Variants in FAR2 observed in about 807,000 individuals in gnomAD.
FAR2 encodes epididymis secretory protein Li 81.
FAR2 carries 19 observed loss-of-function variants against 56.0 expected under a neutral mutation model. The ratio of observed to expected loss-of-function variants is 0.34; its 90% CI spans 0.24 to 0.50. The LOEUF is 0.50. Among genes scored for constraint, FAR2 ranks in the 20% least tolerant of loss-of-function variants. The probability of loss-of-function intolerance (pLI) is 0.98; values close to 1 mark genes in which losing one functional copy is unlikely to be tolerated. For synonymous variants in FAR2, 219 were observed against 218.8 expected (o/e 1.00, Z -0.01); for missense variants, 508 against 642.2 (o/e 0.79, Z 2.26).
At chr12:29,274,925 T>G (rs1948683658) in intron 2 of FAR2, among the ~76,000 whole-genome samples, 1 of 150,338 alleles carries the variant, frequency 6.7e-6, no homozygotes, top group Non-Finnish European at 1.5e-5. Flanking sequence ...ACAAAGCCTG[T>G]TTGGTGGTCT....
At chr12:29,157,106 T>TA (rs1555176819) in intron 1 of FAR2, 11 of 73,456 alleles carry the variant, frequency 1.5e-4, no homozygotes, top group East Asian at 5.4e-4. Flanking sequence ...AAAGAACATT[T>TA]TATATATATA....
rs77007803 is a variant in FAR2 at position 29,282,964 on chromosome 12, G to A, written c.190-10336G>A. Among the ~76,000 whole-genome samples, 715 of 151,952 alleles carry A rather than the reference G, an allele frequency of 4.7e-3. 27 individuals carry two copies. In the East Asian group the frequency reaches 0.072, roughly 15 times the overall value. Reference sequence around the variant, plus strand: ...ACATACCAGTGGGGGGAAAGTATATGAATTAATGGCAGGATTCTTGAGGAC... The same window carrying A: ...ACATACCAGTGGGGGGAAAGTATATAAATTAATGGCAGGATTCTTGAGGAC... On this transcript the variant is annotated intron_variant, in intron 2 of 11. Coordinates refer to ENST00000536681, the MANE Select transcript of FAR2 (RefSeq NM_001271783.2).
At chr12:29,281,743 A>G (rs1238638223) in intron 2 of FAR2, among the ~76,000 whole-genome samples, 1 of 26,418 alleles carries the variant, frequency 3.8e-5, no homozygotes, top group Non-Finnish European at 6.8e-5. Context: ...AACATCACCT[A>G]AAAAAAAAAA....
At chr12:29,303,699 C>G (rs1949212672) in intron 4 of FAR2, among the ~76,000 whole-genome samples, 2 of 152,122 alleles carry the variant, frequency 1.3e-5, no homozygotes, top group African/African-American at 4.8e-5. Flanking sequence ...ATTGTTAACA[C>G]TAAAAAAGCT....
chr12:29,293,468 A>C lies in FAR2; in HGVS notation c.358A>C (p.Thr120Pro). Residue 120 changes from threonine to proline, a missense_variant, in exon 3 of 12, where the codon ACT (threonine) becomes CCT (proline). Coordinates refer to ENST00000536681, the MANE Select transcript of FAR2 (RefSeq NM_001271783.2). ...TGCAGCCACTGTACGCTTTGACGAC[A>C]CTCTCAGGTACATTCCCATTTCCCT... ...HCAATVRFDD[T>P]LRHAVQLNVT... 1 of 1,550,064 alleles carries C rather than the reference A, an allele frequency of 6.5e-7. No homozygotes were observed. Among genetic ancestry groups the C allele is most frequent in the South Asian group, 1.2e-5 (1 of 81,504 alleles).
intron 1 of FAR2, among the ~76,000 whole-genome samples, chr12:29,188,949 A>AG (rs1950073238): frequency 6.6e-6 from 1 of 152,114 alleles, no homozygotes; most frequent in African/African-American, 2.4e-5. Context: ...ATATCATATC[A>AG]GGGGTTTTTG....
intron 1 of FAR2, among the ~76,000 whole-genome samples, chr12:29,188,931 T>C (rs530987352): frequency 3.3e-5 from 5 of 152,126 alleles, no homozygotes; most frequent in African/African-American, 1.2e-4. Flanking sequence ...TGATGTGTCC[T>C]TCTTATCATA....
chr12:29,292,396 A>G (rs914332448), intron 2 of FAR2: 1 of 152,186 alleles, frequency 6.6e-6, no homozygotes, highest in Non-Finnish European at 1.5e-5. Context: ...AAATTCAGTT[A>G]CCAAAAAAGA....
At chr12:29,217,534 G>T (rs74839894) in intron 1 of FAR2, among the ~76,000 whole-genome samples, 10,457 of 152,146 alleles carry the variant, frequency 0.069, 498 homozygotes, top group South Asian at 0.17. Context: ...CAAGCTAGAA[G>T]AAAAAGCCTA....
At chr12:29,294,127 A>G (rs904561011) in intron 3 of FAR2, among the ~76,000 whole-genome samples, 21 of 152,220 alleles carry the variant, frequency 1.4e-4, no homozygotes, top group African/African-American at 4.8e-4. Flanking sequence ...ACAAAATAAT[A>G]CTATAATTTT....
At chr12:29,221,134 A>G (rs920929090) in intron 1 of FAR2, among the ~76,000 whole-genome samples, 2 of 152,050 alleles carry the variant, frequency 1.3e-5, no homozygotes, top group Admixed American at 6.5e-5. Context: ...CTGTAAGGTC[A>G]TATACCCGTA....
In FAR2 at chr12:29,324,471, G is replaced by A. The variant is rs536095890; in HGVS notation, c.1257+2547G>A. ...TCAGATTCACCAAAGTTGAAATGAA[G>A]GAAAAAAGTGTTAAGAGCAGCCAGA... On this transcript the variant is annotated intron_variant, in intron 10 of 11. Transcript: ENST00000536681. Among the ~76,000 whole-genome samples the A allele has an allele frequency of 1.3e-4, 20 of 152,234 alleles. No individual in the cohort carries two copies. The East Asian group carries it at 3.7e-3, about 28-fold the overall frequency.
At chr12:29,327,735 C>T (rs1276964814) in intron 10 of FAR2, among the ~76,000 whole-genome samples, 4 of 152,108 alleles carry the variant, frequency 2.6e-5, no homozygotes, top group Non-Finnish European at 5.9e-5. Context: ...CTTCCTTACA[C>T]CTTATACAAA....
At chr12:29,245,954 T>C (rs916178343) in intron 1 of FAR2, among the ~76,000 whole-genome samples, 1 of 152,092 alleles carries the variant, frequency 6.6e-6, no homozygotes, top group Admixed American at 6.6e-5. Flanking sequence ...TTACTATTCA[T>C]CACTAAAAGG....
chr12:29,187,127 C>G (rs953290572), intron 1 of FAR2, among the ~76,000 whole-genome samples: 6 of 152,228 alleles, frequency 3.9e-5, no homozygotes, highest in Non-Finnish European at 7.4e-5. Flanking sequence ...GTAGTATTTG[C>G]GTAATTTTTC....
chr12:29,233,391 C>T (rs1353408581), intron 1 of FAR2, among the ~76,000 whole-genome samples: 1 of 152,152 alleles, frequency 6.6e-6, no homozygotes, highest in African/African-American at 2.4e-5. Flanking sequence ...TCACTCTTCA[C>T]TATCCTCCTC....
intron 1 of FAR2, among the ~76,000 whole-genome samples, chr12:29,170,984 C>T (rs1421413046): frequency 6.6e-6 from 1 of 152,236 alleles, no homozygotes; most frequent in Non-Finnish European, 1.5e-5. Flanking sequence ...CCCTTTCTTT[C>T]CATATTGCAG....
intron 1 of FAR2, among the ~76,000 whole-genome samples, chr12:29,164,980 A>G (rs1324675757): frequency 6.6e-6 from 1 of 152,166 alleles, no homozygotes; most frequent in Non-Finnish European, 1.5e-5. Flanking sequence ...GATGACTCAT[A>G]CTGTTGGTTT....
At chr12:29,211,953 G>A (rs910421166) in intron 1 of FAR2, among the ~76,000 whole-genome samples, 2 of 150,424 alleles carry the variant, frequency 1.3e-5, no homozygotes, top group South Asian at 2.2e-4. Flanking sequence ...TGTGAATAAC[G>A]AAGTTTTGCT....
Sources: allele counts gnomAD v4.1 joint callset (sites outside exome capture counted in the v4.1 genomes callset), GRCh38; gene constraint gnomAD v4.1.1; transcripts MANE v1.5; gene names NCBI Gene and HGNC (gene_info 2026-07-23, HGNC 2026-07-21).